PRKCI: variants seen among roughly 807,000 people sequenced by gnomAD.
PRKCI encodes the protein protein kinase C iota type.
PRKCI carries 43 observed loss-of-function variants against 84.0 expected under a neutral mutation model. The ratio of observed to expected loss-of-function variants is 0.51; its 90% confidence interval spans 0.40 to 0.66. The LOEUF is 0.66. Among genes scored for constraint, PRKCI ranks in the 30% least tolerant of loss-of-function variants. The pLI, the probability that PRKCI is intolerant of heterozygous loss-of-function variation, is 0.00. For synonymous variants in PRKCI, 216 were observed against 234.4 expected, an observed-to-expected ratio of 0.92 and a Z score of 0.72; for missense variants, 459 against 745.6, an observed-to-expected ratio of 0.62 and a Z score of 4.48.
chr3:170,249,419 G>A (rs533397808), intron 2 of PRKCI, among the ~76,000 whole-genome samples: 65 of 152,206 alleles, frequency 4.3e-4, no homozygotes, highest in African/African-American at 1.3e-3. Flanking sequence ...GAGAGAGTGC[G>A]TGTGTGCGTT....
chr3:170,295,233 T>G (rs998018463), intron 14 of PRKCI, among the ~76,000 whole-genome samples: 3 of 148,674 alleles, frequency 2.0e-5, no homozygotes, highest in African/African-American at 7.4e-5. Flanking sequence ...AAAAAGAAAT[T>G]TAAAGATTGC....
At chr3:170,246,335 T>C (rs2108842147) in intron 2 of PRKCI, among the ~76,000 whole-genome samples, 1 of 152,236 alleles carries the variant, frequency 6.6e-6, no homozygotes, top group South Asian at 2.1e-4. Context: ...GTACTTTTAG[T>C]GGAAACAGGG....
intron 12 of PRKCI, 100 bp downstream of exon 12, chr3:170,284,696 G>A (rs764194460): frequency 7.4e-7 from 1 of 1,354,742 alleles, no homozygotes; most frequent in African/African-American, 1.5e-5. Context: ...TACTAATTTT[G>A]CTAATTTACT....
At chr3:170,241,824 C>T (rs1733141383) in intron 2 of PRKCI, among the ~76,000 whole-genome samples, 1 of 152,104 alleles carries the variant, frequency 6.6e-6, no homozygotes, top group African/African-American at 2.4e-5. Context: ...CCATGCCTAG[C>T]TACTTTAAAA....
chr3:170,250,432 A>AAC (rs1733412505), intron 2 of PRKCI, among the ~76,000 whole-genome samples: 1 of 55,090 alleles, frequency 1.8e-5, no homozygotes, highest in African/African-American at 7.3e-5. Context: ...TTCATTACCA[A>AAC]CCCCCCCCCC....
chr3:170,264,128 C>T (rs1733801771), intron 4 of PRKCI, among the ~76,000 whole-genome samples: 1 of 151,754 alleles, frequency 6.6e-6, no homozygotes, highest in South Asian at 2.1e-4. Flanking sequence ...CTGTCTATAT[C>T]TCATATATGC....
chr3:170,262,661 T>G (rs1733756747), intron 3 of PRKCI, among the ~76,000 whole-genome samples: 1 of 152,022 alleles, frequency 6.6e-6, no homozygotes, highest in South Asian at 2.1e-4. Flanking sequence ...TTTGTATTTT[T>G]TGGTAGAGAC....
In PRKCI at chr3:170,280,199, A is replaced by G. The variant is rs998619295; in HGVS notation, c.706-28A>G. ...TGTACTACGCAAAGCATTTCCCATT[A>G]TAACTCTGATACAAATGTTCTCAAC... is the stretch of plus-strand genomic sequence containing the variant. On this transcript the variant is annotated intron_variant, in intron 8 of 17. Transcript: ENST00000295797. 5.0e-6 allele frequency: 8 copies of G among 1,589,134 alleles called. No homozygotes were observed. In the African/African-American group the frequency reaches 9.5e-5, roughly 19 times the overall value.
intron 2 of PRKCI, among the ~76,000 whole-genome samples, chr3:170,245,487 G>T (rs1189477502): frequency 6.6e-6 from 1 of 152,108 alleles, no homozygotes; most frequent in Non-Finnish European, 1.5e-5. Context: ...GGCAAGAGAG[G>T]CTATGGGGGT....
intron 17 of PRKCI, among the ~76,000 whole-genome samples, chr3:170,299,756 A>G (rs1361230610): frequency 3.3e-5 from 5 of 152,198 alleles, no homozygotes; most frequent in African/African-American, 7.2e-5. Context: ...CAGGATTCAA[A>G]CCCAAATCTG....
At chr3:170,242,419 C>G (rs972983957) in intron 2 of PRKCI, among the ~76,000 whole-genome samples, 4 of 148,388 alleles carry the variant, frequency 2.7e-5, no homozygotes, top group African/African-American at 5.2e-5. Flanking sequence ...CTAGCCTGGA[C>G]CACAGAGTGA....
chr3:170,287,684 C>G (rs976415236), intron 12 of PRKCI, among the ~76,000 whole-genome samples: 1 of 151,386 alleles, frequency 6.6e-6, no homozygotes, highest in Non-Finnish European at 1.5e-5. Flanking sequence ...GCCCGGCAGG[C>G]AGATCACTTG....
intron 13 of PRKCI, among the ~76,000 whole-genome samples, chr3:170,292,865 C>T (rs1001859875): frequency 2.0e-5 from 3 of 151,688 alleles, no homozygotes; most frequent in African/African-American, 7.3e-5. Flanking sequence ...CATGGTGAAA[C>T]CCTGTCTCTA....
chr3:170,268,951 A>G (rs999953432), intron 5 of PRKCI, among the ~76,000 whole-genome samples: 3 of 152,206 alleles, frequency 2.0e-5, no homozygotes, highest in South Asian at 2.1e-4. Flanking sequence ...GTCCCGCTCT[A>G]TCGCCCAGGC....
chr3:170,273,146 C>T (rs568941992), intron 6 of PRKCI, 140 bp from the exon 7 acceptor site: 24 of 680,542 alleles, frequency 3.5e-5, no homozygotes, highest in Non-Finnish European at 5.7e-5. Flanking sequence ...TTTCATAAAA[C>T]AAAATTAAAA....
At chr3:170,232,177 A>G (rs1039520950) in intron 1 of PRKCI, among the ~76,000 whole-genome samples, 10 of 151,946 alleles carry the variant, frequency 6.6e-5, no homozygotes, top group African/African-American at 2.4e-4. Flanking sequence ...CAGCCTCCCA[A>G]GTAGTTGGGA....
chr3:170,239,483 A>G (rs925730689), intron 2 of PRKCI, among the ~76,000 whole-genome samples: 5 of 152,198 alleles, frequency 3.3e-5, no homozygotes, highest in South Asian at 2.1e-4. Context: ...TTTTCAGTCA[A>G]TGATTTTCAA....
In PRKCI at chr3:170,273,318, G is replaced by C. The variant is rs750284734; in HGVS notation, c.624G>C (p.Met208Ile). Residue 208 changes from methionine to isoleucine, a missense_variant, in exon 7 of 18, where the codon ATG (methionine) becomes ATC (isoleucine). Met to Ile is a conservative substitution (Grantham distance 10, BLOSUM62 1). Transcript: ENST00000295797. Reference sequence around the variant, plus strand: ...TGATGCCCATGGATCAGTCATCCATGCATTCTGACCATGCACAGACAGGTA... The same window carrying C: ...TGATGCCCATGGATCAGTCATCCATCCATTCTGACCATGCACAGACAGGTA... ...EPVMPMDQSSMHSDHAQTVIP... is the reference protein window; with the variant it reads ...EPVMPMDQSSIHSDHAQTVIP... 4 of 1,613,740 alleles carry C rather than the reference G, an allele frequency of 2.5e-6. No individual in the cohort carries two copies. Among genetic ancestry groups the C allele is most frequent in the Middle Eastern group, 1.7e-4 (1 of 6,044 alleles).
chr3:170,275,597 G>A (rs770722521), intron 8 of PRKCI, among the ~76,000 whole-genome samples: 2 of 151,922 alleles, frequency 1.3e-5, no homozygotes, highest in Non-Finnish European at 2.9e-5. Context: ...AGACCCTTCC[G>A]TTTTGTGCCT....
Sources: gnomAD v4.1 joint callset for allele counts (sites outside exome capture counted in the v4.1 genomes callset) on GRCh38, gnomAD v4.1.1 for gene constraint, MANE v1.5 for transcripts, NCBI Gene and HGNC (gene_info 2026-07-23, HGNC 2026-07-21) for gene names.